ITPR2: variants seen among roughly 807,000 people sequenced by gnomAD.
ITPR2 encodes the protein inositol 1,4,5-trisphosphate-gated calcium channel ITPR2.
ITPR2 carries 207 observed loss-of-function variants against 317.1 expected under a neutral mutation model. That is an observed-to-expected ratio of 0.65 (90% CI 0.58 to 0.73). The LOEUF is 0.73. Among genes scored for constraint, ITPR2 ranks in the 30% least tolerant of loss-of-function variants. ITPR2 has a pLI of 0.00. For missense variants in ITPR2, 2,613 were observed against 3,284.0 expected (o/e 0.80, Z 4.99); for synonymous variants, 1,156 against 1,149.1 (o/e 1.01, Z -0.12).
In ITPR2 at chr12:26,419,146, C is replaced by A; in HGVS notation, c.7013G>T (p.Arg2338Leu). The A allele has an allele frequency of 6.2e-7, 1 of 1,613,692 alleles. No homozygotes were observed. Among genetic ancestry groups the A allele is most frequent in the Non-Finnish European group, 8.5e-7 (1 of 1,179,780 alleles). ...AAAGGCCATATCCAGGATGACTGCT[C>A]GGTACCCACGGGTGAACGTGCCACG... The part of the protein sequence containing the change: ...GNRGTFTRGY[R>L]AVILDMAFLY... The change falls in exon 50 of 57, where the codon CGA (arginine) becomes CTA (leucine). Residue 2338 changes from arginine (R) to leucine (L), a missense_variant. Physicochemically the swap from Arg to Leu is moderately radical, Grantham distance 102. Around this residue, in one of 9 missense-constraint regions of ITPR2, gnomAD observed 78 missense variants for 110.3 expected, o/e 0.71. Transcript: ENST00000381340.
intron 5 of ITPR2, 48 bp from the exon 6 acceptor site, chr12:26,716,290 G>T: frequency 8.1e-7 from 1 of 1,240,702 alleles, no homozygotes; most frequent in Non-Finnish European, 1.2e-6. Context: ...TGGATCTTTG[G>T]TGCTATATTC....
At chr12:26,707,487 T>A (rs1948572408) in intron 9 of ITPR2, among the ~76,000 whole-genome samples, 1 of 152,202 alleles carries the variant, frequency 6.6e-6, no homozygotes, top group Admixed American at 6.5e-5. Flanking sequence ...CCGTCCTACT[T>A]GAACGACATG....
intron 40 of ITPR2, 60 bp from the exon 41 acceptor site, chr12:26,486,420 A>AC (rs1294647219): frequency 4.3e-6 from 6 of 1,379,960 alleles, no homozygotes; most frequent in African/African-American, 1.5e-5. Context: ...AATTAAAAAA[A>AC]AAAAAACAAA....
At chr12:26,659,586 T>C (rs1023521512) in intron 15 of ITPR2, among the ~76,000 whole-genome samples, 5 of 152,132 alleles carry the variant, frequency 3.3e-5, no homozygotes, top group African/African-American at 1.2e-4. Flanking sequence ...TTAAAGTAAG[T>C]TTTTATGACA....
intron 1 of ITPR2, among the ~76,000 whole-genome samples, chr12:26,821,639 C>T (rs192055338): frequency 5.6e-4 from 85 of 152,298 alleles, no homozygotes; most frequent in Middle Eastern, 6.8e-3. Flanking sequence ...CAACAAAGAA[C>T]GTTACTTCTA....
At position 26,338,830 on chromosome 12, in the gene ITPR2, T is replaced by C. The variant is rs1189132602; in HGVS notation, c.*567A>G. The C allele has an allele frequency of 6.6e-6, 1 of 152,346 alleles. No homozygotes were observed. Among genetic ancestry groups the C allele is most frequent in the African/African-American group, 2.4e-5 (1 of 41,448 alleles). The allele number at this position is 152,346 out of a possible 1,614,324, so 9.4% of individuals were successfully genotyped here. A position where few individuals can be genotyped will look rare whatever the true frequency, so the allele number is the denominator to read the frequency against. On this transcript the variant is annotated 3_prime_UTR_variant, in exon 57 of 57. Transcript: ENST00000381340. ...CTAAGTTCCTAGAGCTGTAAATCCA[T>C]TGTGCTTCATGTTATAAATAAAGAA...
At chr12:26,375,746 CA>C (rs1939319007) in intron 55 of ITPR2, among the ~76,000 whole-genome samples, 1 of 152,198 alleles carries the variant, frequency 6.6e-6, no homozygotes, top group African/African-American at 2.4e-5. Context: ...CAGCAACTTA[CA>C]AATCTTTGTG....
intron 2 of ITPR2, among the ~76,000 whole-genome samples, chr12:26,787,922 C>CTTTTTTT (rs71069268): frequency 4.2e-5 from 5 of 120,228 alleles, no homozygotes; most frequent in Non-Finnish European, 8.5e-5. Context: ...GGTGACTATC[C>CTTTTTTT]TTTTTTTTTT....
At position 26,542,603 on chromosome 12, in the gene ITPR2, C is replaced by G. The variant is rs552979235; in HGVS notation, c.5073+7644G>C. ...TAATAACAATGTCACACGGTAAGCTCTTAATAAATGCTAGCTATTAATTTT... is the reference window on the plus strand; with the variant it reads ...TAATAACAATGTCACACGGTAAGCTGTTAATAAATGCTAGCTATTAATTTT... On this transcript the variant is annotated intron_variant, in intron 37 of 56. Coordinates refer to ENST00000381340, the MANE Select transcript of ITPR2 (RefSeq NM_002223.4). 2.0e-4 allele frequency among the ~76,000 whole-genome samples: 31 copies of G among 152,324 alleles called. No homozygotes were observed. The South Asian group carries it at 6.4e-3, about 32-fold the overall frequency.
intron 2 of ITPR2, among the ~76,000 whole-genome samples, chr12:26,782,025 TATATATATGTATAGAGAGAGAG>T (rs1950098704): frequency 3.7e-5 from 1 of 27,374 alleles, no homozygotes; most frequent in Non-Finnish European, 7.7e-5. Context: ...TATATATATA[TATATATATGTATAGAGAGAGAG>T]AGAGAGAGAG....
intron 46 of ITPR2, among the ~76,000 whole-genome samples, chr12:26,441,013 C>T (rs1406830802): frequency 6.6e-6 from 1 of 152,072 alleles, no homozygotes; most frequent in Non-Finnish European, 1.5e-5. Context: ...AAAAAAACAA[C>T]ATGAACCCCA....
At chr12:26,818,384 T>C (rs1950892904) in intron 1 of ITPR2, among the ~76,000 whole-genome samples, 1 of 152,200 alleles carries the variant, frequency 6.6e-6, no homozygotes. Flanking sequence ...CACTGAGACT[T>C]TTTGAAAGGA....
chr12:26,672,039 G>A (rs1282685152), intron 13 of ITPR2, among the ~76,000 whole-genome samples: 1 of 152,042 alleles, frequency 6.6e-6, no homozygotes, highest in African/African-American at 2.4e-5. Flanking sequence ...GGAGCACCCA[G>A]ATTCATAAAG....
intron 1 of ITPR2, among the ~76,000 whole-genome samples, chr12:26,812,020 G>A (rs574668996): frequency 2.6e-5 from 4 of 151,450 alleles, no homozygotes; most frequent in Middle Eastern, 3.4e-3. Flanking sequence ...AAAATTAGCT[G>A]GGCATGGTGG....
chr12:26,375,867 T>C (rs1269807800), intron 55 of ITPR2, among the ~76,000 whole-genome samples: 1 of 152,178 alleles, frequency 6.6e-6, no homozygotes, highest in Non-Finnish European at 1.5e-5. Flanking sequence ...GGAAGGCCAA[T>C]GTGGGCAGAT....
intron 55 of ITPR2, among the ~76,000 whole-genome samples, chr12:26,341,867 C>T (rs1050000059): frequency 3.3e-5 from 5 of 152,194 alleles, no homozygotes; most frequent in Admixed American, 6.5e-5. Context: ...TGCAGATTCC[C>T]ACCCCACCAC....
intron 13 of ITPR2, among the ~76,000 whole-genome samples, chr12:26,668,602 T>C (rs1287485312): frequency 6.6e-6 from 1 of 152,100 alleles, no homozygotes; most frequent in Non-Finnish European, 1.5e-5. Context: ...CCAAAGCACA[T>C]AAGGAAAGCT....
intron 26 of ITPR2, among the ~76,000 whole-genome samples, chr12:26,605,382 C>T (rs1390551062): frequency 7.4e-6 from 1 of 135,554 alleles, no homozygotes; most frequent in Non-Finnish European, 1.6e-5. Flanking sequence ...TTTAAAAGGC[C>T]ATTTCATTTT....
intron 2 of ITPR2, among the ~76,000 whole-genome samples, chr12:26,754,202 T>G (rs771552175): frequency 1.2e-4 from 18 of 152,220 alleles, no homozygotes; most frequent in Non-Finnish European, 2.2e-4. Flanking sequence ...TCTTCAGAAA[T>G]GTAAACATTT....
Sources: gnomAD v4.1 joint callset for allele counts (sites outside exome capture counted in the v4.1 genomes callset) on GRCh38, gnomAD v4.1.1 for gene constraint, gnomAD v4.1.1 regional missense constraint, MANE v1.5 for transcripts, NCBI Gene and HGNC (gene_info 2026-07-23, HGNC 2026-07-21) for gene names.